Variants in PLCD3 observed in about 807,000 individuals in gnomAD.
PLCD3 encodes phospholipase C delta 3.
PLCD3 carries 62 observed loss-of-function variants against 82.8 expected under a neutral mutation model. The observed-to-expected ratio is 0.75, with a 90% confidence interval of 0.61 to 0.93. The LOEUF (loss-of-function observed/expected upper bound fraction) is 0.93, where lower values mean the gene tolerates loss of function less well. Among genes scored for constraint, PLCD3 ranks in the 40% least tolerant of loss-of-function variants. The pLI, the probability that PLCD3 is intolerant of heterozygous loss-of-function variation, is 0.00. For missense variants in PLCD3, 1,023 were observed against 1,103.4 expected (o/e 0.93, Z 1.03); for synonymous variants, 478 against 471.8 (o/e 1.01, Z -0.17).
chr17:45,118,361 A>G lies in PLCD3; in HGVS notation c.1045T>C (p.Ser349Pro), dbSNP rs375623406. ...GTCAGATAGGTGTTGTGGGAGGAAG[A>G]GATGAAGTAGTGGGCAAGGGGCTGG... ...MNQPLAHYFI[S>P]SSHNTYLTDS... is the part of the protein sequence containing the mutation. The change falls in exon 6 of 15, where the codon TCT becomes CCT. Residue 349 changes from serine to proline, a missense_variant. By Grantham distance (74) the Ser-to-Pro change is moderately conservative. Coordinates refer to ENST00000619929, the MANE Select transcript of PLCD3 (RefSeq NM_133373.5). The surrounding 1 kb of genome is among the most constrained non-coding windows in gnomAD (Gnocchi z 4.1). 2 of 1,613,968 alleles carry G rather than the reference A, an allele frequency of 1.2e-6. No individual in the cohort carries two copies. The highest frequency in any genetic ancestry group is 1.7e-6 in the Non-Finnish European group (2 of 1,179,876).
rs1812654379 is a variant in PLCD3 at position 45,132,387 on chromosome 17, A to G, written c.24T>C (p.Arg8=). ...GGGGCTCCTCGGGCGGGCGGCGGCA[A>G]CGCCTCCAGCGGCCGCACAGCATGG... The part of the protein sequence containing the change: MLCGRWR[R]CRRPPEEPPV... The change falls in exon 1 of 15, where the codon CGT becomes CGC. Residue 8 remains arginine, a synonymous_variant. Transcript: ENST00000619929. The surrounding 1 kb of genome is among the most constrained non-coding windows in gnomAD (Gnocchi z 4.6). 2 of 1,225,370 alleles carry G rather than the reference A, an allele frequency of 1.6e-6. No homozygotes were observed. The highest frequency in any genetic ancestry group is 2.0e-6 in the Non-Finnish European group (2 of 984,024). The allele number at this position is 1,225,370 out of a possible 1,614,324, so 75.9% of individuals were successfully genotyped here.
rs2054295461 is a variant in PLCD3, at chr17:45,116,783, A to G, written c.1262T>C (p.Leu421Pro). The G allele has an allele frequency of 4.4e-6, 7 of 1,589,094 alleles. No individual in the cohort carries two copies. Among genetic ancestry groups the G allele is most frequent in the Non-Finnish European group, 5.1e-6 (6 of 1,166,280 alleles). Residue 421 changes from leucine (L) to proline (P), a missense_variant and splice_region_variant, in exon 8 of 15, where the codon CTG becomes CCG. This residue lies in a region of PLCD3 where 553 missense variants were observed against 655.7 expected (regional missense o/e 0.84). Transcript: ENST00000619929. The stretch of plus-strand genomic sequence containing the variant: ...GGATAGGATGACAGGGTAAGGGGAC[A>G]GCTGTGGGGGGAAGGGCAGCAGCTC... ...VQAVRDHAFT[L>P]SPYPVILSLE...
At chr17:45,120,199 A>G in intron 4 of PLCD3, 126 bp downstream of exon 4, 3 of 1,313,384 alleles carry the variant, frequency 2.3e-6, no homozygotes, top group Admixed American at 2.1e-5. Context: ...GTGCAGGGAA[A>G]GGCTGCTCGC....
At position 45,114,315 on chromosome 17, in the gene PLCD3, A is replaced by G; in HGVS notation, c.1763T>C (p.Leu588Pro). 6.5e-7 allele frequency: 1 copy of G among 1,549,624 alleles called. No individual in the cohort carries two copies. ...GTTGGCTGAGTTCATCCGCAGCCCC[A>G]GCGGGTACACGCGGGTCAGCTGGCG... ...NARQLTRVYP[L>P]GLRMNSANYS... Residue 588 changes from leucine (L) to proline (P), a missense_variant, in exon 11 of 15, where the codon CTG becomes CCG. By Grantham distance (98) the Leu-to-Pro change is moderately conservative. Transcript: ENST00000619929.
In PLCD3 at chr17:45,109,082, TGGAGCCA is replaced by T. The variant is rs2054223083; in HGVS notation, c.*3527_*3533del. ...AGAAATGGAGTGCTGGAGCCTAGGC[TGGAGCCA>T]GGACGACAGGGCTTGGACACAAAGT... is the stretch of plus-strand genomic sequence containing the variant. On this transcript the variant is annotated 3_prime_UTR_variant, in exon 15 of 15. Transcript: ENST00000619929. 10 of 152,610 alleles carry T rather than the reference TGGAGCCA, an allele frequency of 6.6e-5. No individual in the cohort carries two copies. The highest frequency in any genetic ancestry group is 6.5e-4 in the Admixed American group (10 of 15,286). The allele number at this position is 152,610 out of a possible 1,614,324, so 9.5% of individuals were successfully genotyped here.
At chr17:45,123,956 A>ACCC (rs33990992) in intron 1 of PLCD3, among the ~76,000 whole-genome samples, 4,480 of 128,030 alleles carry the variant, frequency 0.035, 111 homozygotes, top group African/African-American at 0.076. Context: ...GGCTCACCAG[A>ACCC]CCCCCCCCCC....
chr17:45,127,815 TGAGTGTGTGTGTGC>T (rs2054392603), intron 1 of PLCD3, among the ~76,000 whole-genome samples: 2 of 33,950 alleles, frequency 5.9e-5, no homozygotes, highest in East Asian at 2.1e-3. Context: ...TGTGTGCGTG[TGAGTGTGTGTGTGC>T]GTACAGGGTT....
rs755351020 is a variant in PLCD3, at chr17:45,112,624, G to T, written c.2362C>A (p.Arg788Ser). The change falls in exon 15 of 15, where the codon CGC (arginine) becomes AGC (serine). Residue 788 changes from arginine to serine, a missense_variant. Transcript: ENST00000619929. ...GCGAGTGAGGTGGGCCCTCAGGAGCGCTGGATGCGGATTTGGATGAAGAGC... is the reference window on the plus strand; with the variant it reads ...GCGAGTGAGGTGGGCCCTCAGGAGCTCTGGATGCGGATTTGGATGAAGAGC... ...ATLFIQIRIQ[R>S]S 2 of 1,600,744 alleles carry T rather than the reference G, an allele frequency of 1.2e-6. No homozygotes were observed. The highest frequency in any genetic ancestry group is 2.7e-5 in the African/African-American group (2 of 74,682).
In PLCD3 at chr17:45,120,894, C is replaced by T; in HGVS notation, c.554+8G>A. ...ATGGGGCCCTCCCTCCCAGCCCCGG[C>T]AGGATATTGGTCTAGCCGCTCGCGC... On this transcript the variant is annotated splice_region_variant and intron_variant, in intron 3 of 14. Transcript: ENST00000619929. 7.0e-7 allele frequency: 1 copy of T among 1,419,050 alleles called. No individual in the cohort carries two copies. The highest frequency in any genetic ancestry group is 3.1e-5 in the Admixed American group (1 of 32,678). The allele number at this position is 1,419,050 out of a possible 1,614,324, so 87.9% of individuals were successfully genotyped here.
chr17:45,121,188 C>T (rs773929685), intron 2 of PLCD3, 23 bp downstream of exon 2: 63 of 1,550,638 alleles, frequency 4.1e-5, no homozygotes, highest in Non-Finnish European at 5.2e-5. Flanking sequence ...TCCCTGTCCG[C>T]CCGGCGCTCC....
At chr17:45,114,149 C>T (rs966642371) in intron 11 of PLCD3, 101 bp downstream of exon 11, 15 of 823,252 alleles carry the variant, frequency 1.8e-5, no homozygotes, top group Middle Eastern at 2.4e-4. Context: ...CAACAAAATG[C>T]GTGTTTCCAC....
At position 45,111,373 on chromosome 17, in the gene PLCD3, A is replaced by AGT. The variant is rs34687475; in HGVS notation, c.*1241_*1242dup. The AGT allele has an allele frequency of 0.14, 20,982 of 147,016 alleles. 1,785 individuals are homozygous for AGT. The highest frequency in any genetic ancestry group is 0.26 in the African/African-American group (10,483 of 40,192). The allele number at this position is 147,016 out of a possible 1,614,324, so 9.1% of individuals were successfully genotyped here. On this transcript the variant is annotated 3_prime_UTR_variant, in exon 15 of 15. Coordinates refer to ENST00000619929, the MANE Select transcript of PLCD3 (RefSeq NM_133373.5). ...TTCAAGGCCCCTCTGTGTATGTGTG[A>AGT]GTGTGTGTGTGTGTGTGTGTGTGTG...
rs994213547 is a variant in PLCD3 at position 45,117,937 on chromosome 17, C to G, written c.1260+57G>C. Reference sequence around the variant, plus strand: ...ACGGAGGGCAGCTGGCATGTGAGTGCGGACGGAGGTCATTGGGAAGGCTGT... The same window carrying G: ...ACGGAGGGCAGCTGGCATGTGAGTGGGGACGGAGGTCATTGGGAAGGCTGT... On this transcript the variant is annotated intron_variant, in intron 7 of 14. Transcript: ENST00000619929. 3 of 1,592,650 alleles carry G rather than the reference C, an allele frequency of 1.9e-6. No homozygotes were observed. The East Asian group carries it at 6.8e-5, about 36-fold the overall frequency.
intron 1 of PLCD3, among the ~76,000 whole-genome samples, chr17:45,128,591 G>A (rs1024560429): frequency 6.6e-6 from 1 of 152,242 alleles, no homozygotes; most frequent in Non-Finnish European, 1.5e-5. Context: ...GGTAGTGTGT[G>A]TAGGCTGGGG....
chr17:45,114,127 T>C, intron 11 of PLCD3, 123 bp downstream of exon 11: 4 of 741,436 alleles, frequency 5.4e-6, no homozygotes, highest in Non-Finnish European at 8.5e-6. Context: ...TGCTGGCAAC[T>C]TTAAAAATAA....
chr17:45,125,798 C>T (rs1435031933), intron 1 of PLCD3, among the ~76,000 whole-genome samples: 1 of 152,174 alleles, frequency 6.6e-6, no homozygotes, highest in Middle Eastern at 3.2e-3. Flanking sequence ...TATGTGATTC[C>T]ACCCATGTGA....
At chr17:45,116,433 C>G (rs1438490962) in intron 8 of PLCD3, among the ~76,000 whole-genome samples, 199 bp downstream of exon 8, 1 of 151,758 alleles carries the variant, frequency 6.6e-6, no homozygotes, top group African/African-American at 2.4e-5. Context: ...GTGGGGGGGT[C>G]TAGTCAAGAA....
chr17:45,132,215 C>A lies in PLCD3; in HGVS notation c.163+33G>T. Reference sequence around the variant, plus strand: ...AGACTGGGCCTCTGGGAACGGTCCGCGCCCACCCCACCGCCCCTTGCCCGT... The same window carrying A: ...AGACTGGGCCTCTGGGAACGGTCCGAGCCCACCCCACCGCCCCTTGCCCGT... On this transcript the variant is annotated intron_variant, in intron 1 of 14. Transcript: ENST00000619929. The surrounding 1 kb of genome is among the most constrained non-coding windows in gnomAD (Gnocchi z 4.6). 1.9e-5 allele frequency: 24 copies of A among 1,250,702 alleles called. No individual in the cohort carries two copies. The highest frequency in any genetic ancestry group is 2.4e-5 in the Non-Finnish European group (24 of 997,030). The allele number at this position is 1,250,702 out of a possible 1,614,324, so 77.5% of individuals were successfully genotyped here.
intron 1 of PLCD3, among the ~76,000 whole-genome samples, chr17:45,122,179 A>C (rs1203813020): frequency 6.6e-6 from 1 of 152,110 alleles, no homozygotes; most frequent in Non-Finnish European, 1.5e-5. Flanking sequence ...CCCTGGCTCC[A>C]GGGTCACAGG....
Sources: allele counts gnomAD v4.1 joint callset (sites outside exome capture counted in the v4.1 genomes callset), GRCh38; gene constraint gnomAD v4.1.1; regional missense constraint gnomAD v4.1.1; non-coding constraint Gnocchi (gnomAD v3.1); transcripts MANE v1.5; gene names NCBI Gene and HGNC (gene_info 2026-07-23, HGNC 2026-07-21).